The following FANCB variants were observed in gnomAD, a reference collection of about 807,000 sequenced individuals.
FANCB encodes FA complementation group B.
A neutral mutation model predicts 38.9 loss-of-function variants in FANCB; 5 were observed. The ratio of observed to expected loss-of-function variants is 0.13; its 90% confidence interval spans 0.07 to 0.27. FANCB has a LOEUF of 0.27. FANCB is among the 10% of genes least tolerant of loss of function. The pLI is 1.00. For synonymous variants in FANCB, 236 were observed against 215.4 expected, an observed-to-expected ratio of 1.10 and a Z score of -0.84; for missense variants, 573 against 602.7, an observed-to-expected ratio of 0.95 and a Z score of 0.52.
chrX:14,829,609 C>T, the FANCB span, among the ~76,000 whole-genome samples: 1 of 111,862 alleles, frequency 8.9e-6, no homozygotes, highest in African/African-American at 3.2e-5. Flanking sequence ...GCTGCTTCAC[C>T]TCACACTTTT....
the FANCB span, among the ~76,000 whole-genome samples, chrX:14,774,057 G>A: frequency 8.9e-6 from 1 of 111,844 alleles, no homozygotes; most frequent in African/African-American, 3.2e-5. Context: ...AATAATAAAT[G>A]CCTACTACTT....
chrX:14,870,809 C>T (rs1389156382), intron 1 of FANCB, among the ~76,000 whole-genome samples: 2 of 111,388 alleles, frequency 1.8e-5, no homozygotes, highest in East Asian at 5.6e-4. Flanking sequence ...CCTAGAAGAG[C>T]AGATGACATC....
At chrX:14,716,848 T>C in the FANCB span, among the ~76,000 whole-genome samples, 2 of 111,003 alleles carry the variant, frequency 1.8e-5, no homozygotes, top group African/African-American at 3.3e-5. Flanking sequence ...AACTAGAAAG[T>C]CTTTTTCAGA....
intron 9 of FANCB, 28 bp downstream of exon 9, chrX:14,844,475 G>A (rs2092367199): frequency 9.6e-7 from 1 of 1,043,924 alleles, no homozygotes; most frequent in Admixed American, 2.2e-5. Context: ...TCACTTCTCT[G>A]GACCAATTAC....
chrX:14,748,944 A>G, the FANCB span, among the ~76,000 whole-genome samples: 1 of 112,193 alleles, frequency 8.9e-6, no homozygotes, highest in East Asian at 2.8e-4. Context: ...AAGGCTGGAG[A>G]ACCCTGAATG....
chrX:14,748,037 A>G, the FANCB span, among the ~76,000 whole-genome samples: 1 of 111,857 alleles, frequency 8.9e-6, no homozygotes, highest in Non-Finnish European at 1.9e-5. Context: ...TAACAACCCA[A>G]TGAAAAAAGG....
intron 5 of FANCB, 90 bp downstream of exon 5, chrX:14,857,772 G>T: frequency 1.5e-6 from 1 of 651,132 alleles, no homozygotes; most frequent in Non-Finnish European, 2.6e-6. Flanking sequence ...GCACCAAGTT[G>T]CTTATACTTT....
At chrX:14,809,851 G>C in the FANCB span, among the ~76,000 whole-genome samples, 1 of 112,528 alleles carries the variant, frequency 8.9e-6, no homozygotes, top group Non-Finnish European at 1.9e-5. Context: ...CACGCAGCTG[G>C]AGATCTGAGA....
chrX:14,834,989 A>T (rs1403162870), downstream of FANCB: 1 of 634,444 alleles, frequency 1.6e-6, no homozygotes, highest in African/African-American at 2.2e-5. Context: ...GCTGTCCACT[A>T]ATATGCACTG....
the FANCB span, among the ~76,000 whole-genome samples, chrX:14,720,243 CTTGAT>C: frequency 8.9e-6 from 1 of 111,749 alleles, no homozygotes; most frequent in East Asian, 2.8e-4. Flanking sequence ...TACTAATTAA[CTTGAT>C]TTGATCATTA....
chrX:14,851,481 CT>C (rs1022023674), intron 6 of FANCB, among the ~76,000 whole-genome samples: 19 of 86,588 alleles, frequency 2.2e-4, no homozygotes, highest in Non-Finnish European at 3.4e-4. Flanking sequence ...TATACTGCCT[CT>C]CCATGTGGTA....
At chrX:14,755,377 T>C in the FANCB span, among the ~76,000 whole-genome samples, 1 of 111,755 alleles carries the variant, frequency 8.9e-6, no homozygotes, top group Admixed American at 9.5e-5. Flanking sequence ...AACATGATCT[T>C]ATATATTTAA....
the FANCB span, among the ~76,000 whole-genome samples, chrX:14,772,292 A>T: frequency 9.0e-6 from 1 of 111,661 alleles, no homozygotes; most frequent in East Asian, 2.8e-4. Context: ...TGTCTATAGA[A>T]CCCTGGCTGG....
intron 1 of FANCB, 118 bp from the exon 2 acceptor site, chrX:14,869,161 A>C (rs747704772): frequency 8.9e-6 from 1 of 112,253 alleles, no homozygotes; most frequent in Non-Finnish European, 1.9e-5. Context: ...AAAAGCATGA[A>C]AATTACACAT....
chrX:14,782,201 C>T, the FANCB span, among the ~76,000 whole-genome samples: 27 of 111,517 alleles, frequency 2.4e-4, no homozygotes, highest in African/African-American at 7.8e-4. Flanking sequence ...GGAGAAATAT[C>T]ACTGTTTGTA....
the FANCB span, among the ~76,000 whole-genome samples, chrX:14,711,314 T>C: frequency 8.9e-6 from 1 of 112,431 alleles, no homozygotes; most frequent in Non-Finnish European, 1.9e-5. Context: ...TTCTATCCAG[T>C]GACCCAGGGA....
At chrX:14,701,605 A>G in the FANCB span, among the ~76,000 whole-genome samples, 17 of 111,777 alleles carry the variant, frequency 1.5e-4, no homozygotes, top group African/African-American at 5.2e-4. Context: ...TACTGTAAAG[A>G]AGAGATGAGA....
intron 7 of FANCB, among the ~76,000 whole-genome samples, chrX:14,846,636 A>G (rs1198539589): frequency 9.0e-6 from 1 of 111,569 alleles, no homozygotes; most frequent in East Asian, 2.8e-4. Flanking sequence ...GGAAGAAAAC[A>G]ATACTATTAA....
At chrX:14,841,371 G>A (rs1280463007), downstream of FANCB, among the ~76,000 whole-genome samples, 1 of 112,425 alleles carries the variant, frequency 8.9e-6, no homozygotes, top group East Asian at 2.8e-4. Context: ...GTTTTACACA[G>A]GTTTCTAGCC....
Sources: gnomAD v4.1 joint callset for allele counts (sites outside exome capture counted in the v4.1 genomes callset) on GRCh38, gnomAD v4.1.1 for gene constraint, MANE v1.5 for transcripts, NCBI Gene and HGNC (gene_info 2026-07-23, HGNC 2026-07-21) for gene names.